The following EXOC6B variants were observed in gnomAD, a reference collection of about 807,000 sequenced individuals.
The protein encoded by EXOC6B is exocyst complex component 6B.
Under a neutral mutation model 113.5 loss-of-function variants are expected in EXOC6B, and 54 were observed. The observed-to-expected ratio is 0.48, with a 90% CI of 0.38 to 0.60. EXOC6B has a LOEUF of 0.60. Among genes scored for constraint, EXOC6B ranks in the 20% least tolerant of loss-of-function variants. The probability of loss-of-function intolerance (pLI) is 0.00; values close to 1 mark genes in which losing one functional copy is unlikely to be tolerated. For synonymous variants in EXOC6B, 357 were observed against 339.0 expected, an observed-to-expected ratio of 1.05 and a Z score of -0.58; for missense variants, 797 against 977.5, an observed-to-expected ratio of 0.82 and a Z score of 2.46.
At chr2:72,184,266 T>G in intron 20 of EXOC6B, 79 bp from the exon 21 acceptor site, 1 of 671,910 alleles carries the variant, frequency 1.5e-6, no homozygotes, top group Admixed American at 2.4e-5. Context: ...TTCATCATCC[T>G]TCACTACCAG....
chr2:72,545,144 GC>G (rs1265374229), intron 8 of EXOC6B, among the ~76,000 whole-genome samples: 2 of 151,864 alleles, frequency 1.3e-5, no homozygotes, highest in Non-Finnish European at 2.9e-5. Flanking sequence ...AAAATACTAG[GC>G]TATGGGAAGC....
intron 6 of EXOC6B, among the ~76,000 whole-genome samples, chr2:72,658,586 A>G (rs1232902192): frequency 2.6e-5 from 4 of 151,962 alleles, no homozygotes; most frequent in Admixed American, 2.0e-4. Context: ...GAGTCAACAT[A>G]GAGCTTCCAC....
chr2:72,718,496 C>T (rs1376424872), intron 5 of EXOC6B, among the ~76,000 whole-genome samples, 189 bp from the exon 6 acceptor site: 1 of 151,996 alleles, frequency 6.6e-6, no homozygotes, highest in Non-Finnish European at 1.5e-5. Flanking sequence ...AAATTATAAT[C>T]AAAAAAAGAT....
At chr2:72,715,037 C>T (rs1359286535) in intron 6 of EXOC6B, among the ~76,000 whole-genome samples, 4 of 152,026 alleles carry the variant, frequency 2.6e-5, no homozygotes, top group African/African-American at 4.8e-5. Flanking sequence ...GAGGCCGAGG[C>T]GGGTGGATCA....
At chr2:72,786,954 T>C (rs1573796358) in intron 1 of EXOC6B, among the ~76,000 whole-genome samples, 1 of 152,320 alleles carries the variant, frequency 6.6e-6, no homozygotes, top group Middle Eastern at 3.4e-3. Flanking sequence ...TGAGTTGCCT[T>C]AATTTAAATG....
chr2:72,590,833 T>C (rs1055785313), intron 6 of EXOC6B, among the ~76,000 whole-genome samples: 2 of 152,016 alleles, frequency 1.3e-5, no homozygotes, highest in African/African-American at 4.8e-5. Flanking sequence ...TGCCATTTAG[T>C]CAACCTATGA....
chr2:72,606,032 T>A (rs371718487), intron 6 of EXOC6B, among the ~76,000 whole-genome samples: 1 of 152,170 alleles, frequency 6.6e-6, no homozygotes, highest in Non-Finnish European at 1.5e-5. Flanking sequence ...TTACTATACA[T>A]GTAATGCCCT....
At chr2:72,315,339 A>ATGTGTGTGTGTGTGTGTG (rs141556284) in intron 20 of EXOC6B, among the ~76,000 whole-genome samples, 4 of 148,576 alleles carry the variant, frequency 2.7e-5, no homozygotes, top group African/African-American at 9.8e-5. Context: ...TAAAGGGTGT[A>ATGTGTGTGTGTGTGTGTG]TGTGTGTGTG....
chr2:72,805,534 T>C (rs554654855), intron 1 of EXOC6B, among the ~76,000 whole-genome samples: 19 of 152,304 alleles, frequency 1.2e-4, no homozygotes, highest in Non-Finnish European at 2.4e-4. Flanking sequence ...ATTATATAAA[T>C]GTATGCTATA....
At chr2:72,352,259 C>T (rs906051888) in intron 19 of EXOC6B, among the ~76,000 whole-genome samples, 1 of 152,118 alleles carries the variant, frequency 6.6e-6, no homozygotes, top group Non-Finnish European at 1.5e-5. Flanking sequence ...CCTACCATAC[C>T]ACCTGCTCCT....
intron 20 of EXOC6B, among the ~76,000 whole-genome samples, chr2:72,223,559 T>G (rs968812188): frequency 2.0e-5 from 3 of 152,230 alleles, no homozygotes; most frequent in Non-Finnish European, 4.4e-5. Flanking sequence ...CCTTTGTGTA[T>G]ATATCATCTA....
intron 20 of EXOC6B, among the ~76,000 whole-genome samples, chr2:72,256,402 T>G (rs1020986816): frequency 6.6e-6 from 1 of 152,208 alleles, no homozygotes; most frequent in African/African-American, 2.4e-5. Flanking sequence ...AAAACTTAAG[T>G]GAGTTCAGTT....
chr2:72,515,741 G>A (rs1701180458), intron 8 of EXOC6B: 2 of 985,760 alleles, frequency 2.0e-6, no homozygotes, highest in African/African-American at 3.5e-5. Context: ...CATGAGCTGT[G>A]TACTGGGTTG....
At chr2:72,303,927 C>T (rs143686480) in intron 20 of EXOC6B, among the ~76,000 whole-genome samples, 1 of 152,256 alleles carries the variant, frequency 6.6e-6, no homozygotes, top group African/African-American at 2.4e-5. Context: ...AAGTGAGGAC[C>T]AGGACCTATG....
At chr2:72,701,329 A>C (rs1678326961) in intron 6 of EXOC6B, among the ~76,000 whole-genome samples, 1 of 150,468 alleles carries the variant, frequency 6.6e-6, no homozygotes, top group East Asian at 1.9e-4. Context: ...TGACAAAGCA[A>C]GACTCCATCT....
chr2:72,812,993 AC>A (rs986437216), intron 1 of EXOC6B, among the ~76,000 whole-genome samples: 3 of 152,188 alleles, frequency 2.0e-5, no homozygotes, highest in South Asian at 4.1e-4. Context: ...TTTGCAAACC[AC>A]ATATCCAATA....
chr2:72,190,611 G>T (rs149202799), intron 20 of EXOC6B, among the ~76,000 whole-genome samples: 1 of 152,020 alleles, frequency 6.6e-6, no homozygotes, highest in African/African-American at 2.4e-5. Context: ...CTAGTTTCTC[G>T]TTTATCCTTC....
In EXOC6B at chr2:72,384,964, C is replaced by A. The variant is rs1272728616; in HGVS notation, c.1981-5094G>T. On this transcript the variant is annotated intron_variant, in intron 18 of 21. Coordinates refer to ENST00000272427, the MANE Select transcript of EXOC6B (RefSeq NM_015189.3). ...AAGTGATCTACAAACTCAATGCAAT[C>A]CTTATCACAATACCAATGACTTTTT... Among the ~76,000 whole-genome samples, 4 of 152,142 alleles carry A rather than the reference C, an allele frequency of 2.6e-5. No homozygotes were observed. The East Asian group carries it at 7.7e-4, about 29-fold the overall frequency.
intron 5 of EXOC6B, among the ~76,000 whole-genome samples, chr2:72,729,567 G>T (rs1022691602): frequency 6.6e-6 from 1 of 151,862 alleles, no homozygotes; most frequent in African/African-American, 2.4e-5. Context: ...GGGATTACAG[G>T]TGTGTACCAC....
Sources: gnomAD v4.1 joint callset for allele counts (sites outside exome capture counted in the v4.1 genomes callset) on GRCh38, gnomAD v4.1.1 for gene constraint, MANE v1.5 for transcripts, NCBI Gene and HGNC (gene_info 2026-07-23, HGNC 2026-07-21) for gene names.